Variants in DYNC1I1 observed in about 807,000 individuals in gnomAD.
DYNC1I1 encodes cytoplasmic dynein 1 intermediate chain 1.
Under a neutral mutation model 86.6 loss-of-function variants are expected in DYNC1I1, and 43 were observed. That is an observed-to-expected ratio of 0.50 (90% CI 0.39 to 0.64). The LOEUF (loss-of-function observed/expected upper bound fraction) is 0.64. Among genes scored for constraint, DYNC1I1 ranks in the 30% least tolerant of loss-of-function variants. The pLI is 0.00. For missense variants in DYNC1I1, 604 were observed against 788.8 expected (o/e 0.77, Z 2.81); for synonymous variants, 262 against 283.7 (o/e 0.92, Z 0.77).
chr7:95,855,741 G>A (rs1336347975), intron 5 of DYNC1I1, among the ~76,000 whole-genome samples: 1 of 152,140 alleles, frequency 6.6e-6, no homozygotes, highest in Non-Finnish European at 1.5e-5. Context: ...GTAAATATCT[G>A]TGTATCTTAA....
downstream of DYNC1I1, among the ~76,000 whole-genome samples, chr7:96,098,651 C>T (rs1205959899): frequency 2.6e-5 from 4 of 152,136 alleles, no homozygotes; most frequent in African/African-American, 9.7e-5. Context: ...ACCAAAGCCA[C>T]CCTTGCCCAA....
chr7:96,060,054 A>C (rs1401340255), intron 14 of DYNC1I1, among the ~76,000 whole-genome samples: 1 of 152,196 alleles, frequency 6.6e-6, no homozygotes, highest in Non-Finnish European at 1.5e-5. Context: ...TTTACCCCCA[A>C]ACAATAACCA....
At chr7:95,804,625 C>A in intron 1 of DYNC1I1, 96 bp from the exon 2 acceptor site, 1 of 1,293,022 alleles carries the variant, frequency 7.7e-7, no homozygotes, top group Non-Finnish European at 1.0e-6. Flanking sequence ...CCAAAAGTCA[C>A]ATTGTTAAGT....
chr7:95,908,074 G>A (rs1035998264), intron 6 of DYNC1I1, among the ~76,000 whole-genome samples: 5 of 152,074 alleles, frequency 3.3e-5, no homozygotes, highest in Non-Finnish European at 7.4e-5. Context: ...GGCAAATTTA[G>A]TTAAGCAGTC....
At chr7:96,094,087 T>C (rs557585541) in intron 16 of DYNC1I1, among the ~76,000 whole-genome samples, 3 of 152,178 alleles carry the variant, frequency 2.0e-5, no homozygotes, top group South Asian at 2.1e-4. Context: ...TCAGTGAAGT[T>C]TTTTTAATGC....
chr7:95,950,677 C>G (rs1185735520), intron 6 of DYNC1I1, among the ~76,000 whole-genome samples: 2 of 151,936 alleles, frequency 1.3e-5, no homozygotes, highest in Non-Finnish European at 2.9e-5. Context: ...CAGATGGAGT[C>G]AAAGAGACAA....
chr7:95,857,079 T>C (rs1789745169), intron 5 of DYNC1I1, among the ~76,000 whole-genome samples: 1 of 152,250 alleles, frequency 6.6e-6, no homozygotes, highest in African/African-American at 2.4e-5. Context: ...TTTGATGTCA[T>C]GGAGAAGACG....
intron 6 of DYNC1I1, among the ~76,000 whole-genome samples, chr7:95,878,637 A>G (rs1790370569): frequency 6.6e-6 from 1 of 152,204 alleles, no homozygotes; most frequent in South Asian, 2.1e-4. Context: ...TGCCAGAAGG[A>G]TAGATCAAAG....
At chr7:95,903,259 C>A (rs1791086881) in intron 6 of DYNC1I1, among the ~76,000 whole-genome samples, 1 of 152,192 alleles carries the variant, frequency 6.6e-6, no homozygotes, top group Admixed American at 6.5e-5. Flanking sequence ...CTAGTTTTTA[C>A]ATCTTTTGCA....
chr7:96,010,404 G>A (rs570938551), intron 10 of DYNC1I1, among the ~76,000 whole-genome samples: 1 of 152,274 alleles, frequency 6.6e-6, no homozygotes, highest in African/African-American at 2.4e-5. Context: ...TCAAGATCCT[G>A]CAAATGTTTG....
At chr7:95,946,442 C>A (rs1792403490) in intron 6 of DYNC1I1, among the ~76,000 whole-genome samples, 1 of 152,088 alleles carries the variant, frequency 6.6e-6, no homozygotes, top group Non-Finnish European at 1.5e-5. Context: ...CTGAAGTAAA[C>A]ATGTAGATAA....
intron 13 of DYNC1I1, among the ~76,000 whole-genome samples, chr7:96,036,020 G>A (rs907599542): frequency 7.9e-5 from 12 of 152,094 alleles, no homozygotes; most frequent in African/African-American, 9.7e-5. Flanking sequence ...CAGCATCTCC[G>A]CATACCTTCA....
intron 5 of DYNC1I1, among the ~76,000 whole-genome samples, chr7:95,858,940 A>G (rs1382243679): frequency 6.8e-6 from 1 of 146,124 alleles, no homozygotes; most frequent in Non-Finnish European, 1.5e-5. Context: ...TATATATTAT[A>G]TTAATATATA....
chr7:95,962,252 TG>T (rs1792890591), intron 6 of DYNC1I1, among the ~76,000 whole-genome samples: 1 of 152,194 alleles, frequency 6.6e-6, no homozygotes, highest in Non-Finnish European at 1.5e-5. Flanking sequence ...CCCATTCTGA[TG>T]ACCCATAGCT....
intron 6 of DYNC1I1, among the ~76,000 whole-genome samples, chr7:95,908,286 A>T (rs948893242): frequency 6.6e-6 from 1 of 152,190 alleles, no homozygotes; most frequent in Non-Finnish European, 1.5e-5. Flanking sequence ...AGTTTTGCAA[A>T]TGAGCTATTT....
intron 14 of DYNC1I1, among the ~76,000 whole-genome samples, chr7:96,071,910 G>A (rs1411701313): frequency 6.6e-6 from 1 of 152,182 alleles, no homozygotes; most frequent in Non-Finnish European, 1.5e-5. Flanking sequence ...GAAGGTCATT[G>A]CTATGTTTTA....
At chr7:95,978,998 A>C (rs1396303331) in intron 7 of DYNC1I1, among the ~76,000 whole-genome samples, 2 of 151,984 alleles carry the variant, frequency 1.3e-5, no homozygotes, top group African/African-American at 2.4e-5. Flanking sequence ...GTTTCACCAT[A>C]CTGGCCAGGC....
At chr7:95,937,235 G>A (rs895432805) in intron 6 of DYNC1I1, among the ~76,000 whole-genome samples, 5 of 151,898 alleles carry the variant, frequency 3.3e-5, no homozygotes, top group African/African-American at 1.2e-4. Context: ...TAGTTCTAGA[G>A]CTCTAATGTG....
chr7:96,007,591 A>C (rs1489444606), intron 10 of DYNC1I1, among the ~76,000 whole-genome samples: 1 of 152,196 alleles, frequency 6.6e-6, no homozygotes, highest in Non-Finnish European at 1.5e-5. Flanking sequence ...AATATGATAC[A>C]TCAGGAGAAA....
Sources: allele counts gnomAD v4.1 joint callset (sites outside exome capture counted in the v4.1 genomes callset), GRCh38; gene constraint gnomAD v4.1.1; transcripts MANE v1.5; gene names NCBI Gene and HGNC (gene_info 2026-07-23, HGNC 2026-07-21).